Variants in LDAH observed in about 807,000 individuals in gnomAD.
LDAH encodes the protein lipid droplet associated hydrolase, also known as lipid droplet-associated hydrolase.
A neutral mutation model predicts 29.6 loss-of-function variants in LDAH; 26 were observed. That is an observed-to-expected ratio of 0.88 (90% CI 0.64 to 1.22). The LOEUF is 1.22. Ranked by LOEUF, LDAH falls within the 50% of genes most tolerant of loss-of-function variation. The probability of loss-of-function intolerance (pLI) is 0.00; values close to 1 mark genes in which losing one functional copy is unlikely to be tolerated. For synonymous variants in LDAH, 117 were observed against 133.0 expected (o/e 0.88, Z 0.83); for missense variants, 344 against 387.3 (o/e 0.89, Z 0.94).
intron 4 of LDAH, among the ~76,000 whole-genome samples, chr2:20,768,326 T>G (rs1669180047): frequency 6.6e-6 from 1 of 152,190 alleles, no homozygotes; most frequent in Non-Finnish European, 1.5e-5. Context: ...CTTTGGGGCC[T>G]TGTGGTTCCT....
intron 5 of LDAH, among the ~76,000 whole-genome samples, chr2:20,705,629 T>C (rs1055695107): frequency 6.6e-6 from 1 of 152,192 alleles, no homozygotes; most frequent in African/African-American, 2.4e-5. Context: ...TACTATTATA[T>C]TGTCTAGTGG....
intron 4 of LDAH, among the ~76,000 whole-genome samples, chr2:20,740,669 T>G (rs1169462914): frequency 6.6e-6 from 1 of 152,216 alleles, no homozygotes; most frequent in Non-Finnish European, 1.5e-5. Context: ...GTAGTGTATT[T>G]ATTCATTCAC....
At chr2:20,793,120 G>T (rs1322151202) in intron 2 of LDAH, among the ~76,000 whole-genome samples, 1 of 152,050 alleles carries the variant, frequency 6.6e-6, no homozygotes, top group Non-Finnish European at 1.5e-5. Context: ...CTTACTGTAT[G>T]AAAGTCACTA....
chr2:20,708,183 A>G (rs534496260), intron 5 of LDAH, among the ~76,000 whole-genome samples: 9 of 152,160 alleles, frequency 5.9e-5, no homozygotes, highest in Admixed American at 2.0e-4. Flanking sequence ...ATCATCCCCA[A>G]ACCATTCCCC....
At chr2:20,732,108 A>AT (rs913899751) in intron 5 of LDAH, among the ~76,000 whole-genome samples, 39 of 150,874 alleles carry the variant, frequency 2.6e-4, no homozygotes, top group Non-Finnish European at 4.4e-4. Context: ...CATTCAAAAT[A>AT]TTTTTTTTTC....
At chr2:20,759,048 C>T (rs1181616528) in intron 4 of LDAH, among the ~76,000 whole-genome samples, 1 of 152,158 alleles carries the variant, frequency 6.6e-6, no homozygotes. Flanking sequence ...TTATAAGAAG[C>T]TCCTCAGCAT....
chr2:20,737,909 C>T (rs1176559701), intron 5 of LDAH, among the ~76,000 whole-genome samples: 26 of 151,974 alleles, frequency 1.7e-4, no homozygotes, highest in Admixed American at 1.1e-3. Context: ...GTCCAGATAT[C>T]CTGATATCTG....
rs991087597 is a variant in LDAH, at chr2:20,821,745, C to T, written c.-3+1292G>A. On this transcript the variant is annotated intron_variant, in intron 1 of 6. Transcript: ENST00000237822. ...CAAACCTGCACGTTGTGCATATGTA[C>T]CCTAGAACTTAAAGTATAATTTTAA... 2.0e-5 allele frequency among the ~76,000 whole-genome samples: 3 copies of T among 152,008 alleles called. No individual in the cohort carries two copies. The South Asian group carries it at 6.2e-4, about 32-fold the overall frequency.
Position 20,823,026 on chromosome 2 carries a change from C to G in LDAH, c.-3+11G>C, listed in dbSNP as rs1022212272. ...GGGCAGTCACCCTGAGCTCGGCAAG[C>G]TGTACCTCACCTGTCCACCTGGAAG... On this transcript the variant is annotated intron_variant, in intron 1 of 6. Transcript: ENST00000237822. 6.6e-6 allele frequency: 1 copy of G among 152,408 alleles called. No homozygotes were observed. The highest frequency in any genetic ancestry group is 1.5e-5 in the Non-Finnish European group (1 of 68,184). 9.4% of individuals were successfully genotyped at this position (152,408 alleles called of 1,614,324 possible).
intron 6 of LDAH, among the ~76,000 whole-genome samples, chr2:20,693,480 A>G (rs1663188872): frequency 1.3e-5 from 2 of 152,178 alleles, no homozygotes; most frequent in Non-Finnish European, 2.9e-5. Context: ...CATATTCCCC[A>G]GACATGACTG....
chr2:20,789,432 A>C (rs1232767181), intron 3 of LDAH: 6 of 1,443,736 alleles, frequency 4.2e-6, no homozygotes, highest in Non-Finnish European at 5.5e-6. Context: ...TGAGAAATCA[A>C]TTTCCATTTT....
chr2:20,742,810 T>C (rs1240862966), intron 4 of LDAH, among the ~76,000 whole-genome samples: 1 of 149,252 alleles, frequency 6.7e-6, no homozygotes, highest in East Asian at 1.9e-4. Context: ...TTTTTTTTTT[T>C]TGAGACAGGG....
intron 6 of LDAH, among the ~76,000 whole-genome samples, chr2:20,689,567 T>C (rs982511211): frequency 1.3e-5 from 2 of 152,198 alleles, no homozygotes; most frequent in Admixed American, 6.5e-5. Context: ...TGCTATAGCT[T>C]TGCCTTGAAA....
At chr2:20,726,656 AT>A (rs147135661) in intron 5 of LDAH, among the ~76,000 whole-genome samples, 1,857 of 152,356 alleles carry the variant, frequency 0.012, 39 homozygotes, top group African/African-American at 0.042. Flanking sequence ...ACCTAAAAAA[AT>A]AATTCTCCCA....
chr2:20,686,699 ATGTATGG>A lies in LDAH; in HGVS notation c.*197_*203del. 4.3e-6 allele frequency: 2 copies of A among 463,850 alleles called. No homozygotes were observed. Among genetic ancestry groups the A allele is most frequent in the Non-Finnish European group, 7.6e-6 (2 of 262,398 alleles). 28.7% of individuals were successfully genotyped at this position (463,850 alleles called of 1,614,324 possible). A position where few individuals can be genotyped will look rare whatever the true frequency, so the allele number is the denominator to read the frequency against. ...CACTGTGTTCCCTGAGTCTTGGAAA[ATGTATGG>A]TTAAACCTATGGAATGATTCATCAA... On this transcript the variant is annotated 3_prime_UTR_variant, in exon 7 of 7. Transcript: ENST00000237822.
At chr2:20,813,369 A>G (rs1299709220) in intron 1 of LDAH, among the ~76,000 whole-genome samples, 3 of 152,130 alleles carry the variant, frequency 2.0e-5, no homozygotes, top group East Asian at 1.9e-4. Flanking sequence ...ACTTCTATGC[A>G]TTTTGCTTTC....
intron 1 of LDAH, among the ~76,000 whole-genome samples, chr2:20,802,501 A>C (rs948048965): frequency 4.0e-5 from 6 of 151,786 alleles, no homozygotes; most frequent in African/African-American, 1.5e-4. Flanking sequence ...TATTTCTATC[A>C]CTCCTCCACC....
intron 3 of LDAH, among the ~76,000 whole-genome samples, chr2:20,786,555 G>T (rs942245936): frequency 1.3e-5 from 2 of 150,938 alleles, no homozygotes; most frequent in Admixed American, 6.6e-5. Context: ...TAATGTTCTT[G>T]TTTTTTTTTC....
intron 4 of LDAH, among the ~76,000 whole-genome samples, chr2:20,761,635 T>C (rs956976949): frequency 6.6e-6 from 1 of 152,188 alleles, no homozygotes; most frequent in Non-Finnish European, 1.5e-5. Flanking sequence ...TAAGAAGGAC[T>C]GCACTGAACT....
Sources: allele counts gnomAD v4.1 joint callset (sites outside exome capture counted in the v4.1 genomes callset), GRCh38; gene constraint gnomAD v4.1.1; transcripts MANE v1.5; gene names NCBI Gene and HGNC (gene_info 2026-07-23, HGNC 2026-07-21).